Variants in SHISA9 observed in about 807,000 individuals in gnomAD.
SHISA9 encodes protein shisa-9.
A neutral mutation model predicts 38.0 loss-of-function variants in SHISA9; 13 were observed. The ratio of observed to expected loss-of-function variants is 0.34; its 90% confidence interval spans 0.22 to 0.54. The LOEUF (loss-of-function observed/expected upper bound fraction) is 0.54. Ranked by LOEUF, SHISA9 falls within the 20% of genes least tolerant of loss-of-function variation. SHISA9 has a pLI of 0.91. For missense variants in SHISA9, 538 were observed against 575.8 expected (o/e 0.93, Z 0.67); for synonymous variants, 275 against 242.0 (o/e 1.14, Z -1.27).
intron 3 of SHISA9, among the ~76,000 whole-genome samples, chr16:13,205,285 A>C (rs2051053464): frequency 6.6e-6 from 1 of 152,210 alleles, no homozygotes; most frequent in Admixed American, 6.5e-5. Context: ...AGGAAAACCA[A>C]ATCCTATTTC....
At chr16:13,076,507 C>T (rs2073584574) in intron 2 of SHISA9, among the ~76,000 whole-genome samples, 1 of 152,172 alleles carries the variant, frequency 6.6e-6, no homozygotes, top group Non-Finnish European at 1.5e-5. Flanking sequence ...CTGTCTTGCA[C>T]ACACCCAACC....
the SHISA9 span, among the ~76,000 whole-genome samples, chr16:13,482,552 C>A: frequency 6.6e-6 from 1 of 152,202 alleles, no homozygotes; most frequent in African/African-American, 2.4e-5. Context: ...GTAATCCTAG[C>A]ACTTTGGGAG....
the SHISA9 span, among the ~76,000 whole-genome samples, chr16:13,550,985 T>C: frequency 1.3e-5 from 2 of 152,032 alleles, no homozygotes; most frequent in Non-Finnish European, 2.9e-5. Flanking sequence ...TAGCCGGGCA[T>C]GTTGGTGGGT....
At chr16:13,042,073 G>A (rs1375842056) in intron 2 of SHISA9, among the ~76,000 whole-genome samples, 2 of 152,142 alleles carry the variant, frequency 1.3e-5, no homozygotes, top group African/African-American at 4.8e-5. Context: ...TCAGGGCAGT[G>A]GCAATTACCA....
chr16:12,984,606 T>TC (rs2072282859), intron 2 of SHISA9, among the ~76,000 whole-genome samples: 1 of 152,132 alleles, frequency 6.6e-6, no homozygotes, highest in South Asian at 2.1e-4. Flanking sequence ...TGCTTTTTTC[T>TC]CCCCAGACAG....
chr16:13,355,317 T>A, the SHISA9 span, among the ~76,000 whole-genome samples: 1 of 151,638 alleles, frequency 6.6e-6, no homozygotes, highest in African/African-American at 2.4e-5. Context: ...GATATTGGCG[T>A]TGAGTGGGGT....
At chr16:12,943,324 TGTGTGTGAGA>T (rs2071643671) in intron 2 of SHISA9, among the ~76,000 whole-genome samples, 4 of 21,096 alleles carry the variant, frequency 1.9e-4, no homozygotes, top group East Asian at 1.5e-3. Context: ...TGTGTGTGTG[TGTGTGTGAGA>T]GAGAGAGAGA....
chr16:13,277,738 A>G, the SHISA9 span, among the ~76,000 whole-genome samples: 3 of 151,916 alleles, frequency 2.0e-5, no homozygotes, highest in East Asian at 3.9e-4. Context: ...CTGTTGGTTT[A>G]TAGAAGAGCT....
the SHISA9 span, among the ~76,000 whole-genome samples, chr16:13,286,165 A>G: frequency 6.6e-6 from 1 of 152,102 alleles, no homozygotes; most frequent in African/African-American, 2.4e-5. Flanking sequence ...TTCTTGCAAT[A>G]TTCATCTTAC....
At chr16:13,041,448 C>A (rs765076054) in intron 2 of SHISA9, among the ~76,000 whole-genome samples, 5 of 152,234 alleles carry the variant, frequency 3.3e-5, no homozygotes, top group Non-Finnish European at 5.9e-5. Context: ...CCTTTGTCCT[C>A]TCTTTGGCTG....
intron 2 of SHISA9, among the ~76,000 whole-genome samples, chr16:13,195,299 A>G (rs1035398434): frequency 6.6e-6 from 1 of 152,212 alleles, no homozygotes; most frequent in Non-Finnish European, 1.5e-5. Flanking sequence ...CTGTCAAAGG[A>G]GACAATTGAA....
At chr16:13,097,946 A>G (rs930558051) in intron 2 of SHISA9, among the ~76,000 whole-genome samples, 1 of 152,228 alleles carries the variant, frequency 6.6e-6, no homozygotes, top group Non-Finnish European at 1.5e-5. Context: ...TAGCCCTAGT[A>G]CTAATGAGAA....
intron 2 of SHISA9, among the ~76,000 whole-genome samples, chr16:12,995,170 A>G (rs1243556343): frequency 6.6e-6 from 1 of 152,160 alleles, no homozygotes; most frequent in Non-Finnish European, 1.5e-5. Context: ...AGGTGTAAAA[A>G]TCACATCAAG....
the SHISA9 span, among the ~76,000 whole-genome samples, chr16:13,303,227 A>G: frequency 6.6e-6 from 1 of 152,242 alleles, no homozygotes; most frequent in Non-Finnish European, 1.5e-5. Context: ...TTCTAAGTAT[A>G]TACTCAAAAG....
the SHISA9 span, among the ~76,000 whole-genome samples, chr16:13,277,887 C>G: frequency 2.0e-5 from 3 of 151,984 alleles, no homozygotes; most frequent in African/African-American, 7.2e-5. Context: ...GTCCTCTTTA[C>G]TGATTTGGAT....
intron 2 of SHISA9, among the ~76,000 whole-genome samples, chr16:13,121,832 T>TAG (rs2050213589): frequency 7.4e-6 from 1 of 134,820 alleles, no homozygotes; most frequent in African/African-American, 2.7e-5. Flanking sequence ...TATACACACA[T>TAG]ACACACACAC....
chr16:13,365,882 G>A, the SHISA9 span, among the ~76,000 whole-genome samples: 2 of 152,290 alleles, frequency 1.3e-5, no homozygotes, highest in African/African-American at 4.8e-5. Flanking sequence ...AAACCTCATG[G>A]ATGACCTATG....
chr16:13,264,704 C>G, the SHISA9 span, among the ~76,000 whole-genome samples: 1 of 151,998 alleles, frequency 6.6e-6, no homozygotes. Flanking sequence ...GTAGTGAGCT[C>G]TGGTTTAGGA....
intron 2 of SHISA9, among the ~76,000 whole-genome samples, chr16:12,992,468 G>A (rs1160567636): frequency 6.6e-6 from 1 of 152,006 alleles, no homozygotes; most frequent in Non-Finnish European, 1.5e-5. Context: ...GGAGGCAGAG[G>A]TTGCAGTGAG....
Sources: allele counts gnomAD v4.1 joint callset (sites outside exome capture counted in the v4.1 genomes callset), GRCh38; gene constraint gnomAD v4.1.1; transcripts MANE v1.5; gene names NCBI Gene and HGNC (gene_info 2026-07-23, HGNC 2026-07-21).